GALNTL6: variants seen among roughly 807,000 people sequenced by gnomAD.
The protein encoded by GALNTL6 is polypeptide N-acetylgalactosaminyltransferase like 6, also known as polypeptide N-acetylgalactosaminyltransferase-like 6.
A neutral mutation model predicts 73.7 loss-of-function variants in GALNTL6; 46 were observed. The observed-to-expected ratio is 0.62, with a 90% CI of 0.49 to 0.80. The LOEUF is 0.80. GALNTL6 is among the 30% of genes least tolerant of loss of function. The probability of loss-of-function intolerance (pLI) is 0.00; values close to 1 mark genes in which losing one functional copy is unlikely to be tolerated. For missense variants in GALNTL6, 604 were observed against 755.0 expected (o/e 0.80, Z 2.34); for synonymous variants, 259 against 263.7 (o/e 0.98, Z 0.17).
chr4:172,943,269 C>T (rs545765821), intron 9 of GALNTL6, among the ~76,000 whole-genome samples: 1 of 152,210 alleles, frequency 6.6e-6, no homozygotes, highest in South Asian at 2.1e-4. Flanking sequence ...CTACTCAGCA[C>T]TCATAGCAAG....
At chr4:172,440,336 A>G (rs1731784630) in intron 5 of GALNTL6, among the ~76,000 whole-genome samples, 1 of 152,096 alleles carries the variant, frequency 6.6e-6, no homozygotes, top group African/African-American at 2.4e-5. Context: ...ATGAAAAGAC[A>G]TGGAGGAATC....
intron 2 of GALNTL6, among the ~76,000 whole-genome samples, chr4:171,976,503 A>G (rs1439094603): frequency 3.9e-5 from 6 of 152,196 alleles, no homozygotes; most frequent in Admixed American, 1.3e-4. Context: ...CAAAAATTAC[A>G]TAGGTTTTGT....
intron 5 of GALNTL6, among the ~76,000 whole-genome samples, chr4:172,738,358 G>C (rs191287176): frequency 6.6e-6 from 1 of 152,012 alleles, no homozygotes. Context: ...TTGAGCTCTG[G>C]GTTGTTGCTG....
intron 5 of GALNTL6, among the ~76,000 whole-genome samples, chr4:172,664,870 G>A (rs1334103830): frequency 6.6e-6 from 1 of 151,952 alleles, no homozygotes; most frequent in Non-Finnish European, 1.5e-5. Flanking sequence ...CCTAGAACAG[G>A]GTTTGGCAAT....
At chr4:172,517,354 C>G (rs553749308) in intron 5 of GALNTL6, among the ~76,000 whole-genome samples, 2 of 152,196 alleles carry the variant, frequency 1.3e-5, no homozygotes, top group East Asian at 3.9e-4. Context: ...AGGTTCAACA[C>G]ATCTTCACTA....
intron 2 of GALNTL6, among the ~76,000 whole-genome samples, chr4:171,831,856 T>G (rs2110825698): frequency 6.6e-6 from 1 of 151,852 alleles, no homozygotes; most frequent in South Asian, 2.1e-4. Flanking sequence ...AATATGTCCT[T>G]GGGTATCATT....
At chr4:172,850,259 A>T (rs1206695308) in intron 7 of GALNTL6, among the ~76,000 whole-genome samples, 1 of 152,148 alleles carries the variant, frequency 6.6e-6, no homozygotes, top group African/African-American at 2.4e-5. Context: ...ATCTTCAAGA[A>T]GAGAAAATAA....
chr4:172,383,942 A>G (rs966607426), intron 5 of GALNTL6, among the ~76,000 whole-genome samples: 2 of 152,260 alleles, frequency 1.3e-5, no homozygotes, highest in East Asian at 1.9e-4. Context: ...TCAACCTTGC[A>G]TTCCTAGTGT....
At chr4:172,855,467 A>C (rs528414227) in intron 7 of GALNTL6, among the ~76,000 whole-genome samples, 32 of 152,214 alleles carry the variant, frequency 2.1e-4, no homozygotes, top group Non-Finnish European at 4.1e-4. Context: ...GGGATGTAAT[A>C]AAAGTTGTGA....
chr4:171,956,381 A>G (rs1739050687), intron 2 of GALNTL6, among the ~76,000 whole-genome samples: 1 of 152,154 alleles, frequency 6.6e-6, no homozygotes, highest in South Asian at 2.1e-4. Flanking sequence ...GAATTACCCA[A>G]TTATTTCCTA....
intron 7 of GALNTL6, among the ~76,000 whole-genome samples, chr4:172,818,814 G>A (rs1741756155): frequency 6.6e-6 from 1 of 152,176 alleles, no homozygotes; most frequent in Admixed American, 6.6e-5. Context: ...GGTCAGGCTG[G>A]TCTTGAACTC....
chr4:172,788,457 G>C (rs551676429), intron 5 of GALNTL6, among the ~76,000 whole-genome samples: 6 of 152,054 alleles, frequency 3.9e-5, no homozygotes, highest in Non-Finnish European at 5.9e-5. Context: ...TGGATCACAA[G>C]ATCAGGAGAT....
At chr4:172,029,452 A>T (rs12504133) in intron 2 of GALNTL6, among the ~76,000 whole-genome samples, 5 of 152,004 alleles carry the variant, frequency 3.3e-5, no homozygotes, top group African/African-American at 4.8e-5. Flanking sequence ...ATACTGATCT[A>T]TATGGTCTTG....
Position 171,936,875 on chromosome 4 carries a change from A to C in GALNTL6, c.138+122157A>C, listed in dbSNP as rs1375542491. On this transcript the variant is annotated intron_variant, in intron 2 of 12. Transcript: ENST00000506823. The stretch of plus-strand genomic sequence containing the variant: ...TCTAATTTGCTAACACACTAGGAGA[A>C]TAATAAAAGCCTCTATGATTACATC... 2.6e-5 allele frequency among the ~76,000 whole-genome samples: 4 copies of C among 152,176 alleles called. 1 individual carries two copies. The highest frequency in any genetic ancestry group is 1.3e-4 in the Admixed American group (2 of 15,278).
intron 7 of GALNTL6, among the ~76,000 whole-genome samples, chr4:172,838,003 T>A (rs1413137413): frequency 6.6e-5 from 10 of 152,186 alleles, no homozygotes; most frequent in Non-Finnish European, 4.4e-5. Flanking sequence ...TTTTATTATT[T>A]TTTTCTGTAC....
At chr4:172,557,391 C>T (rs1447330139) in intron 5 of GALNTL6, among the ~76,000 whole-genome samples, 1 of 152,054 alleles carries the variant, frequency 6.6e-6, no homozygotes, top group African/African-American at 2.4e-5. Flanking sequence ...AAAAATTGAT[C>T]AGTTGGGCTT....
At chr4:173,003,014 G>A (rs974605543) in intron 10 of GALNTL6, among the ~76,000 whole-genome samples, 4 of 152,116 alleles carry the variant, frequency 2.6e-5, no homozygotes, top group African/African-American at 9.7e-5. Context: ...ATTAATAGTT[G>A]CTGTTTCGAA....
At chr4:172,512,827 G>GT (rs997135874) in intron 5 of GALNTL6, among the ~76,000 whole-genome samples, 1 of 152,100 alleles carries the variant, frequency 6.6e-6, no homozygotes, top group Non-Finnish European at 1.5e-5. Context: ...AATCTGATAG[G>GT]TTTTCCTTTA....
At chr4:172,612,195 G>T (rs1328696402) in intron 5 of GALNTL6, among the ~76,000 whole-genome samples, 2 of 152,048 alleles carry the variant, frequency 1.3e-5, no homozygotes, top group Non-Finnish European at 2.9e-5. Flanking sequence ...TGGGGGTGGG[G>T]TATCCAAAAT....
Sources: gnomAD v4.1 joint callset for allele counts (sites outside exome capture counted in the v4.1 genomes callset) on GRCh38, gnomAD v4.1.1 for gene constraint, MANE v1.5 for transcripts, NCBI Gene and HGNC (gene_info 2026-07-23, HGNC 2026-07-21) for gene names.